Variants in NKAIN2 observed in about 807,000 individuals in gnomAD.
The protein encoded by NKAIN2 is sodium/potassium-transporting ATPase subunit beta-1-interacting protein 2.
Under a neutral mutation model 32.6 loss-of-function variants are expected in NKAIN2, and 14 were observed. The observed-to-expected ratio is 0.43, with a 90% CI of 0.28 to 0.67. The LOEUF is 0.67. NKAIN2 is among the 30% of genes least tolerant of loss of function. The pLI is 0.17. For missense variants in NKAIN2, 198 were observed against 258.3 expected, an observed-to-expected ratio of 0.77 and a Z score of 1.60; for synonymous variants, 80 against 87.2, an observed-to-expected ratio of 0.92 and a Z score of 0.46.
At chr6:124,338,952 ATT>A (rs917229699) in intron 2 of NKAIN2, among the ~76,000 whole-genome samples, 1 of 152,078 alleles carries the variant, frequency 6.6e-6, no homozygotes, top group African/African-American at 2.4e-5. Flanking sequence ...GTGGGGAGAG[ATT>A]TTGGTGGGTG....
At chr6:124,001,208 T>C (rs559573276) in intron 1 of NKAIN2, among the ~76,000 whole-genome samples, 16 of 152,058 alleles carry the variant, frequency 1.1e-4, no homozygotes, top group Non-Finnish European at 2.2e-4. Context: ...CTTTTTTTTT[T>C]TGGCTCTTTA....
At chr6:124,628,674 C>T (rs1460698268) in intron 3 of NKAIN2, among the ~76,000 whole-genome samples, 1 of 151,870 alleles carries the variant, frequency 6.6e-6, no homozygotes, top group Non-Finnish European at 1.5e-5. Context: ...CCAAATTCAG[C>T]ATTCCTCAAA....
At chr6:123,822,405 G>A (rs555676915) in intron 1 of NKAIN2, among the ~76,000 whole-genome samples, 4 of 152,324 alleles carry the variant, frequency 2.6e-5, no homozygotes, top group East Asian at 3.9e-4. Flanking sequence ...GATACACACA[G>A]TGGGACATTT....
In NKAIN2 at chr6:123,853,271, A is replaced by C. The variant is rs761019559; in HGVS notation, c.54+49017A>C. Among the ~76,000 whole-genome samples the C allele has an allele frequency of 1.6e-4, 24 of 152,304 alleles. No homozygotes were observed. In the East Asian group the frequency reaches 4.6e-3, roughly 29 times the overall value. On this transcript the variant is annotated intron_variant, in intron 1 of 6. Coordinates refer to ENST00000368417, the MANE Select transcript of NKAIN2 (RefSeq NM_001040214.3). Reference sequence around the variant, plus strand: ...ATCTTTCTTCTTTCACCTTAAGCTTACTCAGTGTAAGTGGATAAATGCCAA... The same window carrying C: ...ATCTTTCTTCTTTCACCTTAAGCTTCCTCAGTGTAAGTGGATAAATGCCAA...
intron 3 of NKAIN2, among the ~76,000 whole-genome samples, chr6:124,468,647 G>GA (rs901437433): frequency 6.6e-6 from 1 of 152,002 alleles, no homozygotes; most frequent in Non-Finnish European, 1.5e-5. Context: ...TGAAAGAAAA[G>GA]AAAAAATATA....
chr6:124,597,783 A>T (rs767230363), intron 3 of NKAIN2, among the ~76,000 whole-genome samples: 4 of 152,170 alleles, frequency 2.6e-5, no homozygotes, highest in Non-Finnish European at 4.4e-5. Context: ...TTCAGCTTGT[A>T]AAAACCATGG....
chr6:124,574,263 A>G (rs190200088), intron 3 of NKAIN2, among the ~76,000 whole-genome samples: 1 of 152,098 alleles, frequency 6.6e-6, no homozygotes, highest in African/African-American at 2.4e-5. Flanking sequence ...TGTTCTGCCT[A>G]AAGTTTTATT....
chr6:123,867,746 A>C (rs371032745), intron 1 of NKAIN2, among the ~76,000 whole-genome samples: 1 of 152,118 alleles, frequency 6.6e-6, no homozygotes, highest in African/African-American at 2.4e-5. Context: ...TCTTCTCTGA[A>C]TCTTTCTCAA....
At chr6:124,028,853 GTGTC>G (rs1781256366) in intron 1 of NKAIN2, among the ~76,000 whole-genome samples, 1 of 136,642 alleles carries the variant, frequency 7.3e-6, no homozygotes, top group Non-Finnish European at 1.5e-5. Context: ...ATATATGTGT[GTGTC>G]TATATATACA....
chr6:124,737,653 G>A (rs538749190), intron 4 of NKAIN2, among the ~76,000 whole-genome samples: 1 of 152,014 alleles, frequency 6.6e-6, no homozygotes, highest in East Asian at 1.9e-4. Context: ...TAGAGACTTG[G>A]AGGGCTCAGA....
At chr6:123,883,368 A>G (rs1773545462) in intron 1 of NKAIN2, among the ~76,000 whole-genome samples, 1 of 151,926 alleles carries the variant, frequency 6.6e-6, no homozygotes, top group Non-Finnish European at 1.5e-5. Context: ...GATGGTCTCG[A>G]TCTCCTGACC....
intron 4 of NKAIN2, among the ~76,000 whole-genome samples, chr6:124,709,430 G>A (rs1330934209): frequency 1.3e-5 from 2 of 151,476 alleles, no homozygotes; most frequent in African/African-American, 2.4e-5. Context: ...GTTCCTCCTT[G>A]TACCTCTGGT....
intron 2 of NKAIN2, among the ~76,000 whole-genome samples, chr6:124,337,501 T>C (rs1006849104): frequency 1.3e-5 from 2 of 152,176 alleles, no homozygotes; most frequent in Non-Finnish European, 2.9e-5. Context: ...AGTGAGACCC[T>C]GTCTCAAAAA....
chr6:124,725,932 A>C (rs1028801551), intron 4 of NKAIN2, among the ~76,000 whole-genome samples: 3 of 152,200 alleles, frequency 2.0e-5, no homozygotes, highest in Admixed American at 6.5e-5. Flanking sequence ...TTCCGAGTCA[A>C]AGAAAGGGGT....
Position 124,034,593 on chromosome 6 carries a change from G to A in NKAIN2, c.54+230339G>A, listed in dbSNP as rs563927793. Among the ~76,000 whole-genome samples, 6 of 152,184 alleles carry A rather than the reference G, an allele frequency of 3.9e-5. No homozygotes were observed. In the East Asian group the frequency reaches 1.2e-3, roughly 29 times the overall value. On this transcript the variant is annotated intron_variant, in intron 1 of 6. Coordinates refer to ENST00000368417, the MANE Select transcript of NKAIN2 (RefSeq NM_001040214.3). The stretch of plus-strand genomic sequence containing the variant: ...CTGCAATACACTCACAAATGCAGAT[G>A]TCTTTTTGATAGAATTACTTCTTTT...
chr6:124,326,708 G>A (rs528563480), intron 2 of NKAIN2, among the ~76,000 whole-genome samples: 1 of 152,178 alleles, frequency 6.6e-6, no homozygotes, highest in African/African-American at 2.4e-5. Context: ...TGAGATCCTG[G>A]AGATAGACTT....
intron 1 of NKAIN2, among the ~76,000 whole-genome samples, chr6:124,161,855 G>A (rs1788294043): frequency 6.6e-6 from 1 of 151,962 alleles, no homozygotes; most frequent in East Asian, 1.9e-4. Context: ...TCACTACCTG[G>A]GTGACGGGAT....
intron 4 of NKAIN2, among the ~76,000 whole-genome samples, chr6:124,672,933 G>A (rs1024703172): frequency 6.6e-6 from 1 of 151,958 alleles, no homozygotes; most frequent in Non-Finnish European, 1.5e-5. Flanking sequence ...AAATTTTTAA[G>A]TGTCCAAGAC....
At chr6:124,214,128 G>C (rs2114670767) in intron 1 of NKAIN2, among the ~76,000 whole-genome samples, 1 of 152,160 alleles carries the variant, frequency 6.6e-6, no homozygotes. Flanking sequence ...TGTAGTATTT[G>C]CCAATTCACA....
Sources: allele counts gnomAD v4.1 joint callset (sites outside exome capture counted in the v4.1 genomes callset), GRCh38; gene constraint gnomAD v4.1.1; transcripts MANE v1.5; gene names NCBI Gene and HGNC (gene_info 2026-07-23, HGNC 2026-07-21).